Variants in PCNT observed in about 807,000 individuals in gnomAD.
PCNT encodes the protein kendrin.
A neutral mutation model predicts 380.4 loss-of-function variants in PCNT; 319 were observed. The ratio of observed to expected loss-of-function variants is 0.84; its 90% CI spans 0.77 to 0.92. PCNT has a LOEUF of 0.92. PCNT is among the 40% of genes least tolerant of loss of function. The pLI is 0.00. For synonymous variants in PCNT, 1,845 were observed against 1,735.2 expected, an observed-to-expected ratio of 1.06 and a Z score of -1.57; for missense variants, 4,400 against 4,255.3, an observed-to-expected ratio of 1.03 and a Z score of -0.95.
intron 21 of PCNT, among the ~76,000 whole-genome samples, chr21:46,391,912 T>C (rs2086047462): frequency 6.6e-6 from 1 of 152,236 alleles, no homozygotes; most frequent in Non-Finnish European, 1.5e-5. Flanking sequence ...CAAAGGCTTT[T>C]CACATTGCAT....
At chr21:46,376,784 G>GTTCTTT in intron 15 of PCNT, among the ~76,000 whole-genome samples, 1 of 152,332 alleles carries the variant, frequency 6.6e-6, no homozygotes, top group East Asian at 1.9e-4. Context: ...GTATCAGCAA[G>GTTCTTT]GTAATTAAAG....
chr21:46,324,939 T>C, intron 1 of PCNT: 1 of 985,220 alleles, frequency 1.0e-6, no homozygotes, highest in Non-Finnish European at 1.2e-6. Context: ...CCGGCCGCCG[T>C]CTTCTTCCCG....
In PCNT at chr21:46,406,145, C is replaced by T. The variant is rs115998899; in HGVS notation, c.5115+3662C>T. ...AGCGTCTTTTACACTTGTGGGGAAA[C>T]GGAGCTCCCGTCTCCCTGGCGTGGT... is the stretch of plus-strand genomic sequence containing the variant. On this transcript the variant is annotated intron_variant, in intron 27 of 46. Coordinates refer to ENST00000359568, the MANE Select transcript of PCNT (RefSeq NM_006031.6). Among the ~76,000 whole-genome samples, 701 of 152,290 alleles carry T rather than the reference C, an allele frequency of 4.6e-3. 6 individuals are homozygous for T. Among genetic ancestry groups the T allele is most frequent in the African/African-American group, 0.016 (675 of 41,554 alleles).
intron 15 of PCNT, among the ~76,000 whole-genome samples, chr21:46,379,255 C>A (rs1219699711): frequency 7.3e-6 from 1 of 137,722 alleles, no homozygotes; most frequent in Middle Eastern, 3.6e-3. Flanking sequence ...GAGCTGCGCC[C>A]GTCTTCCTGG....
intron 13 of PCNT, among the ~76,000 whole-genome samples, 184 bp downstream of exon 13, chr21:46,357,375 T>G (rs1432927796): frequency 6.6e-6 from 1 of 152,202 alleles, no homozygotes; most frequent in East Asian, 1.9e-4. Flanking sequence ...CAGTAGTGGG[T>G]GGCGGTTGGA....
chr21:46,353,783 A>G (rs1332487581), intron 10 of PCNT, among the ~76,000 whole-genome samples: 1 of 150,986 alleles, frequency 6.6e-6, no homozygotes, highest in Non-Finnish European at 1.5e-5. Flanking sequence ...AGTGGCGGGC[A>G]CACTTTCTTC....
chr21:46,416,382 C>T lies in PCNT; in HGVS notation c.6464C>T (p.Thr2155Ile). 1 of 1,614,104 alleles carries T rather than the reference C, an allele frequency of 6.2e-7. No individual in the cohort carries two copies. Among genetic ancestry groups the T allele is most frequent in the Non-Finnish European group, 8.5e-7 (1 of 1,179,978 alleles). The part of the protein sequence containing the change: ...QAIDACDANT[T>I]PGGVTDVIKN... ...ATAGACGCGTGTGATGCCAATACAA[C>T]CCCAGGGGGTGTAACTGATGTTATC... Residue 2155 changes from threonine to isoleucine, a missense_variant, in exon 30 of 47, where the codon ACC (threonine) becomes ATC (isoleucine). Coordinates refer to ENST00000359568, the MANE Select transcript of PCNT (RefSeq NM_006031.6).
At chr21:46,389,146 C>T (rs1337286047) in intron 18 of PCNT, 53 bp from the exon 19 acceptor site, 33 of 1,555,524 alleles carry the variant, frequency 2.1e-5, no homozygotes, top group Non-Finnish European at 2.7e-5. Flanking sequence ...CTGCCATGGC[C>T]GCGGCCGGCT....
intron 15 of PCNT, among the ~76,000 whole-genome samples, chr21:46,374,371 C>T (rs886603517): frequency 2.6e-5 from 4 of 152,190 alleles, no homozygotes; most frequent in African/African-American, 4.8e-5. Context: ...GCCCAGCCCA[C>T]GTGCCAGTCT....
rs1471040413 is a variant in PCNT at position 46,381,771 on chromosome 21, G to C, written c.3243G>C (p.Gln1081His). The C allele has an allele frequency of 1.9e-6, 3 of 1,614,206 alleles. No individual in the cohort carries two copies. The highest frequency in any genetic ancestry group is 1.6e-4 in the Middle Eastern group (1 of 6,062). ...ETLRLQSAQAQPFHQEEKESL... is the reference protein window; with the variant it reads ...ETLRLQSAQAHPFHQEEKESL... ...TTCGGCTTCAGAGTGCACAGGCACA[G>C]CCTTTTCACCAAGAGGAGAAAGAGT... The change falls in exon 16 of 47, where the codon CAG becomes CAC. Residue 1081 changes from glutamine to histidine, a missense_variant. Coordinates refer to ENST00000359568, the MANE Select transcript of PCNT (RefSeq NM_006031.6).
intron 3 of PCNT, among the ~76,000 whole-genome samples, chr21:46,335,461 C>T (rs927233877): frequency 3.3e-5 from 5 of 151,894 alleles, no homozygotes; most frequent in African/African-American, 7.3e-5. Context: ...TTTGGGAGGC[C>T]GAGGTGGGCG....
At chr21:46,436,433 C>T (rs2053450515) in intron 39 of PCNT, among the ~76,000 whole-genome samples, 2 of 135,924 alleles carry the variant, frequency 1.5e-5, no homozygotes, top group East Asian at 2.4e-4. Flanking sequence ...TGTGTAGTTG[C>T]TCACCACCCA....
At chr21:46,443,404 A>AT (rs1168585486) in intron 44 of PCNT, among the ~76,000 whole-genome samples, 1 of 152,198 alleles carries the variant, frequency 6.6e-6, no homozygotes, top group Non-Finnish European at 1.5e-5. Flanking sequence ...TTGACTCCAC[A>AT]TTTTAATAGT....
intron 33 of PCNT, among the ~76,000 whole-genome samples, chr21:46,426,293 A>G (rs2087502895): frequency 6.6e-6 from 1 of 151,554 alleles, no homozygotes; most frequent in Non-Finnish European, 1.5e-5. Context: ...CAGCCTCCCA[A>G]AGTGCTGGGA....
At chr21:46,435,834 G>A (rs1322805834) in intron 38 of PCNT, 70 bp from the exon 39 acceptor site, 34 of 1,595,308 alleles carry the variant, frequency 2.1e-5, no homozygotes, top group Non-Finnish European at 2.7e-5. Flanking sequence ...GAACCACCGC[G>A]CCCGGCCGGC....
At chr21:46,429,035 T>A (rs1411552956) in intron 35 of PCNT, among the ~76,000 whole-genome samples, 1 of 152,210 alleles carries the variant, frequency 6.6e-6, no homozygotes, top group Non-Finnish European at 1.5e-5. Flanking sequence ...CATTCCCTGC[T>A]CTTAGTTTTG....
rs77899266 is a variant in PCNT, at chr21:46,345,179, G to A, written c.640-949G>A. Among the ~76,000 whole-genome samples, 766 of 152,268 alleles carry A rather than the reference G, an allele frequency of 5.0e-3. 5 individuals carry two copies. The highest frequency in any genetic ancestry group is 0.018 in the African/African-American group (738 of 41,552). On this transcript the variant is annotated intron_variant, in intron 3 of 46. Coordinates refer to ENST00000359568, the MANE Select transcript of PCNT (RefSeq NM_006031.6). ...CCTCCCGTGGCAGCACTGCTGTGGC[G>A]TGGGGAGAGTCCACAGCTTCTGTTT...
chr21:46,426,073 T>TTTTTA, intron 33 of PCNT, 102 bp downstream of exon 33: 7 of 816,140 alleles, frequency 8.6e-6, no homozygotes, highest in Non-Finnish European at 1.1e-5. Context: ...TTCTTTCTTT[T>TTTTTA]TTTTTTTTTT....
intron 3 of PCNT, among the ~76,000 whole-genome samples, chr21:46,341,194 T>C (rs567986839): frequency 6.6e-6 from 1 of 152,282 alleles, no homozygotes; most frequent in Non-Finnish European, 1.5e-5. Flanking sequence ...GCCCATCCAC[T>C]TTGAATGGAA....
Sources: gnomAD v4.1 joint callset for allele counts (sites outside exome capture counted in the v4.1 genomes callset) on GRCh38, gnomAD v4.1.1 for gene constraint, MANE v1.5 for transcripts, NCBI Gene and HGNC (gene_info 2026-07-23, HGNC 2026-07-21) for gene names.